The following PLCH1 variants were observed in gnomAD, a reference collection of about 807,000 sequenced individuals.
PLCH1 encodes the protein 1-phosphatidylinositol 4,5-bisphosphate phosphodiesterase eta-1.
In PLCH1, 60 loss-of-function variants were observed where a neutral mutation model predicts 126.7. The observed-to-expected ratio is 0.47, with a 90% CI of 0.38 to 0.59. The LOEUF (loss-of-function observed/expected upper bound fraction) is 0.59. PLCH1 is among the 20% of genes least tolerant of loss of function. PLCH1 has a pLI of 0.00. For missense variants in PLCH1, 1,723 were observed against 2,040.0 expected (o/e 0.84, Z 2.99); for synonymous variants, 719 against 734.9 (o/e 0.98, Z 0.35).
chr3:155,564,643 A>G (rs359539), intron 8 of PLCH1, among the ~76,000 whole-genome samples: 86,659 of 152,102 alleles, frequency 0.57, 27,019 homozygotes, highest in Middle Eastern at 0.72. Flanking sequence ...TATAATTAAA[A>G]ATATCTTTCT....
At chr3:155,701,140 C>T (rs1352831547) in intron 2 of PLCH1, among the ~76,000 whole-genome samples, 1 of 152,186 alleles carries the variant, frequency 6.6e-6, no homozygotes, top group Non-Finnish European at 1.5e-5. Flanking sequence ...ATATTTCATT[C>T]CTGCCTCTGA....
At chr3:155,624,042 C>A (rs1483775944) in intron 2 of PLCH1, among the ~76,000 whole-genome samples, 20 of 152,128 alleles carry the variant, frequency 1.3e-4, no homozygotes, top group Admixed American at 1.3e-3. Context: ...CATCAAAAAG[C>A]TTATCCACTA....
rs201056626 is a variant in PLCH1, at chr3:155,565,112, G to T, written c.872C>A (p.Thr291Lys). 2.5e-6 allele frequency: 4 copies of T among 1,611,868 alleles called. No homozygotes were observed. Among genetic ancestry groups the T allele is most frequent in the Non-Finnish European group, 2.5e-6 (3 of 1,178,010 alleles). ...VKNVLGIEGFTNFMRSPACDI... is the reference protein window; with the variant it reads ...VKNVLGIEGFKNFMRSPACDI... Reference sequence around the variant, plus strand: ...ACAGGCAGGACTACGCATGAAGTTCGTGAAGCCTTTGGAAGAAAGAGAGTG... The same window carrying T: ...ACAGGCAGGACTACGCATGAAGTTCTTGAAGCCTTTGGAAGAAAGAGAGTG... The change falls in exon 8 of 23, where the codon ACG becomes AAG. Residue 291 changes from threonine to lysine, a missense_variant. This residue lies in a region of PLCH1 where 776 missense variants were observed against 1,062.9 expected (regional missense o/e 0.73). Coordinates refer to ENST00000460012, the MANE Select transcript of PLCH1 (RefSeq NM_014996.4).
At chr3:155,556,792 A>G (rs1294093823) in intron 8 of PLCH1, among the ~76,000 whole-genome samples, 1 of 152,230 alleles carries the variant, frequency 6.6e-6, no homozygotes, top group Non-Finnish European at 1.5e-5. Flanking sequence ...CCTGCTGGCC[A>G]GCTCTACAGA....
intron 1 of PLCH1, among the ~76,000 whole-genome samples, chr3:155,708,640 G>C (rs2109096647): frequency 6.6e-6 from 1 of 152,282 alleles, no homozygotes; most frequent in Non-Finnish European, 1.5e-5. Context: ...TATTACATTA[G>C]AGATGTATTT....
chr3:155,462,007 T>C (rs1712745220), intron 21 of PLCH1, among the ~76,000 whole-genome samples: 1 of 152,236 alleles, frequency 6.6e-6, no homozygotes, highest in Non-Finnish European at 1.5e-5. Flanking sequence ...GTACTTTCTG[T>C]TCCTACGATC....
chr3:155,515,011 C>T (rs764641982), intron 11 of PLCH1, 127 bp from the exon 12 acceptor site: 86 of 581,144 alleles, frequency 1.5e-4, no homozygotes, highest in Non-Finnish European at 2.3e-4. Context: ...AAATTAAGCT[C>T]AAGTTCATTG....
intron 2 of PLCH1, among the ~76,000 whole-genome samples, chr3:155,615,974 A>G (rs935489845): frequency 3.9e-5 from 6 of 152,204 alleles, no homozygotes; most frequent in Admixed American, 3.3e-4. Flanking sequence ...TGTCCTTACT[A>G]GATGCTTTAA....
intron 2 of PLCH1, among the ~76,000 whole-genome samples, chr3:155,608,824 G>A (rs777248734): frequency 5.9e-5 from 9 of 152,036 alleles, no homozygotes; most frequent in Non-Finnish European, 8.8e-5. Flanking sequence ...CCTGCCCATC[G>A]CCTGAGAAAC....
At chr3:155,546,440 T>C (rs1725292956) in intron 10 of PLCH1, among the ~76,000 whole-genome samples, 1 of 152,106 alleles carries the variant, frequency 6.6e-6, no homozygotes, top group Non-Finnish European at 1.5e-5. Flanking sequence ...GAAGAATCAA[T>C]ATCATAAAAA....
chr3:155,720,740 T>A (rs1249700345), intron 1 of PLCH1, among the ~76,000 whole-genome samples: 1 of 152,236 alleles, frequency 6.6e-6, no homozygotes, highest in Non-Finnish European at 1.5e-5. Context: ...GTCCCATCTA[T>A]TTATATTTCT....
intron 21 of PLCH1, among the ~76,000 whole-genome samples, chr3:155,470,069 G>A (rs1184167270): frequency 6.6e-6 from 1 of 152,160 alleles, no homozygotes; most frequent in Non-Finnish European, 1.5e-5. Context: ...GAACAAAGCT[G>A]GATGGAGAAT....
At chr3:155,589,990 G>A (rs914742893) in intron 4 of PLCH1, among the ~76,000 whole-genome samples, 1 of 152,140 alleles carries the variant, frequency 6.6e-6, no homozygotes, top group African/African-American at 2.4e-5. Context: ...CAGAGTGGGG[G>A]CTGGACCGCA....
intron 21 of PLCH1, chr3:155,456,773 C>T (rs1712453685): frequency 6.6e-6 from 1 of 152,642 alleles, no homozygotes; most frequent in African/African-American, 2.4e-5. Flanking sequence ...GTTTCCTTCC[C>T]ACTCCTTAGT....
chr3:155,673,370 C>G (rs1743731494), intron 2 of PLCH1, among the ~76,000 whole-genome samples: 1 of 152,016 alleles, frequency 6.6e-6, no homozygotes, highest in Admixed American at 6.6e-5. Context: ...ATCTTCATAT[C>G]CCCAACCAGC....
chr3:155,683,359 G>A (rs1007931547), intron 2 of PLCH1, among the ~76,000 whole-genome samples: 6 of 152,182 alleles, frequency 3.9e-5, no homozygotes, highest in African/African-American at 1.4e-4. Flanking sequence ...TCAGCTTGAT[G>A]AAGATGTCAA....
chr3:155,570,240 T>C (rs1048748296), intron 6 of PLCH1, among the ~76,000 whole-genome samples: 1 of 152,200 alleles, frequency 6.6e-6, no homozygotes, highest in Non-Finnish European at 1.5e-5. Context: ...ATTGAGTTTT[T>C]TAAGACTTCA....
At chr3:155,730,842 T>C (rs551277693) in intron 1 of PLCH1, among the ~76,000 whole-genome samples, 1 of 152,146 alleles carries the variant, frequency 6.6e-6, no homozygotes, top group South Asian at 2.1e-4. Flanking sequence ...GGCAGCACAG[T>C]GTGGAGAGAT....
At chr3:155,497,225 G>A (rs758630132) in intron 15 of PLCH1, 95 bp downstream of exon 15, 4 of 860,068 alleles carry the variant, frequency 4.7e-6, no homozygotes, top group Non-Finnish European at 7.6e-6. Flanking sequence ...AAAAATGTGT[G>A]TTGATAATGG....
Sources: allele counts gnomAD v4.1 joint callset (sites outside exome capture counted in the v4.1 genomes callset), GRCh38; gene constraint gnomAD v4.1.1; regional missense constraint gnomAD v4.1.1; transcripts MANE v1.5; gene names NCBI Gene and HGNC (gene_info 2026-07-23, HGNC 2026-07-21).